The following REX1BD variants were observed in gnomAD, a reference collection of about 807,000 sequenced individuals.
REX1BD encodes required for excision 1-B domain-containing protein.
A neutral mutation model predicts 24.4 loss-of-function variants in REX1BD; 22 were observed. The ratio of observed to expected loss-of-function variants is 0.90; its 90% confidence interval spans 0.64 to 1.29. The LOEUF (loss-of-function observed/expected upper bound fraction) is 1.29. Among genes scored for constraint, REX1BD ranks in the 50% most tolerant of loss-of-function variants. The probability of loss-of-function intolerance (pLI) is 0.00; values close to 1 mark genes in which losing one functional copy is unlikely to be tolerated. For synonymous variants in REX1BD, 146 were observed against 125.9 expected (o/e 1.16, Z -1.07); for missense variants, 293 against 285.3 (o/e 1.03, Z -0.19).
chr19:18,588,892 TGGCCCTG>T lies in REX1BD; in HGVS notation c.94_99+1del. The T allele has an allele frequency of 2.0e-6, 3 of 1,531,808 alleles. No homozygotes were observed. Among genetic ancestry groups the T allele is most frequent in the Non-Finnish European group, 2.6e-6 (3 of 1,145,516 alleles). 94.9% of individuals were successfully genotyped at this position (1,531,808 alleles called of 1,614,324 possible). A position where few individuals can be genotyped will look rare whatever the true frequency, so the allele number is the denominator to read the frequency against. On this transcript the variant is annotated frameshift_variant and splice_region_variant, in exon 1 of 5. Coordinates refer to ENST00000358607, the MANE Select transcript of REX1BD (RefSeq NM_001100418.2). LOFTEE classifies it high-confidence loss of function. The stretch of plus-strand genomic sequence containing the variant: ...AGCTCGGGGACGCGAGGAGCCGGCG[TGGCCCTG>T]GGTGAGCCCAGGCCCAAGCGGGAAC...
Position 18,589,081 on chromosome 19 carries a change from A to C in REX1BD, c.182+4A>C. ...AGGGCTTCCGCCGACTGGAGGAGTG[A>C]GTGGGGGCGCGGAGGGGCTCAGGGT... On this transcript the variant is annotated splice_donor_region_variant and intron_variant, in intron 2 of 4. Transcript: ENST00000358607. The C allele has an allele frequency of 6.7e-7, 1 of 1,501,984 alleles. No homozygotes were observed. The highest frequency in any genetic ancestry group is 8.8e-7 in the Non-Finnish European group (1 of 1,131,900). The allele number at this position is 1,501,984 out of a possible 1,614,324, so 93.0% of individuals were successfully genotyped here. A position where few individuals can be genotyped will look rare whatever the true frequency, so the allele number is the denominator to read the frequency against.
At chr19:18,590,002 G>A (rs550387720) in intron 3 of REX1BD, 70 of 353,912 alleles carry the variant, frequency 2.0e-4, no homozygotes, top group African/African-American at 1.4e-3. Context: ...CCGCGTCTAG[G>A]GTCCCACCCT....
chr19:18,588,836 C>T lies in REX1BD; in HGVS notation c.35C>T (p.Pro12Leu), dbSNP rs1207083420. The T allele has an allele frequency of 6.5e-7, 1 of 1,533,440 alleles. No homozygotes were observed. The highest frequency in any genetic ancestry group is 2.5e-5 in the East Asian group (1 of 40,726). The allele number at this position is 1,533,440 out of a possible 1,614,324, so 95.0% of individuals were successfully genotyped here. ...ITETAAEPTV[P>L]AVPAAEEATE... ...GAGACCGCGGCGGAGCCTACGGTCC[C>T]TGCAGTGCCTGCTGCTGAGGAGGCC... is the stretch of plus-strand genomic sequence containing the variant. Residue 12 changes from proline to leucine, a missense_variant, in exon 1 of 5, where the codon CCT (proline) becomes CTT (leucine). Coordinates refer to ENST00000358607, the MANE Select transcript of REX1BD (RefSeq NM_001100418.2).
At chr19:18,589,983 C>T (rs1251023187) in intron 3 of REX1BD, 1 of 395,914 alleles carries the variant, frequency 2.5e-6, no homozygotes, top group Admixed American at 4.4e-5. Context: ...TCCACCCACT[C>T]TGGTTGTTCC....
rs888412975 is a variant in REX1BD at position 18,588,870 on chromosome 19, T to A, written c.69T>A (p.Ala23=). ...AVPAAEEATE[A]RGREEPAWPW... is the part of the protein sequence containing the mutation. ...CTGCTGCTGAGGAGGCCACCGAAGC[T>A]CGGGGACGCGAGGAGCCGGCGTGGC... Residue 23 remains alanine, a synonymous_variant, in exon 1 of 5, where the codon GCT becomes GCA. Coordinates refer to ENST00000358607, the MANE Select transcript of REX1BD (RefSeq NM_001100418.2). 6.5e-7 allele frequency: 1 copy of A among 1,532,264 alleles called. No individual in the cohort carries two copies. The highest frequency in any genetic ancestry group is 8.7e-7 in the Non-Finnish European group (1 of 1,145,712). The allele number at this position is 1,532,264 out of a possible 1,614,324, so 94.9% of individuals were successfully genotyped here.
Position 18,592,129 on chromosome 19 carries a change from G to C in REX1BD, c.555G>C (p.Ala185=), listed in dbSNP as rs188974816. The change falls in exon 5 of 5, where the codon GCG becomes GCC. Residue 185 remains alanine (A), a synonymous_variant. Coordinates refer to ENST00000358607, the MANE Select transcript of REX1BD (RefSeq NM_001100418.2). The part of the protein sequence containing the change: ...LKMKVIKTME[A]ISEVLQDLRF... ...GTAGGGTAATTAAAACCATGGAGGCGATCAGCGAGGTTCTCCAGGACCTTA... is the reference window on the plus strand; with the variant it reads ...GTAGGGTAATTAAAACCATGGAGGCCATCAGCGAGGTTCTCCAGGACCTTA... The C allele has an allele frequency of 6.2e-7, 1 of 1,613,946 alleles. No homozygotes were observed. The highest frequency in any genetic ancestry group is 1.7e-5 in the Admixed American group (1 of 60,008).
At position 18,589,848 on chromosome 19, in the gene REX1BD, T is replaced by C; in HGVS notation, c.453+165T>C. The C allele has an allele frequency of 2.8e-6, 3 of 1,082,498 alleles. No homozygotes were observed. In the South Asian group the frequency reaches 6.0e-5, roughly 22 times the overall value. 67.1% of individuals were successfully genotyped at this position (1,082,498 alleles called of 1,614,324 possible). ...GGCTTCACTTGGGGATTCTCGGACC[T>C]TGCCCTCTGCTGTTCATCCCCAATT... On this transcript the variant is annotated intron_variant, in intron 3 of 4. Transcript: ENST00000358607.
At chr19:18,588,974 G>C (rs1395225133) in intron 1 of REX1BD, 21 bp from the exon 2 acceptor site, 1 of 1,525,580 alleles carries the variant, frequency 6.6e-7, no homozygotes, top group Non-Finnish European at 8.7e-7. Flanking sequence ...TCATGCCCCA[G>C]CCGTGCCCCC....
Position 18,589,043 on chromosome 19 carries a change from G to T in REX1BD, c.148G>T (p.Ala50Ser). ...TLVQRIHQLQ[A>S]ERAQGFRRLE... ...GGTGCAGCGCATCCACCAGCTGCAG[G>T]CTGAGCGCGCGCAGGGCTTCCGCCG... Residue 50 changes from alanine (A) to serine (S), a missense_variant, in exon 2 of 5, where the codon GCT becomes TCT. Physicochemically the swap from Ala to Ser is moderately conservative, Grantham distance 99. Transcript: ENST00000358607. 1.3e-6 allele frequency: 2 copies of T among 1,524,998 alleles called. No homozygotes were observed. Among genetic ancestry groups the T allele is most frequent in the Non-Finnish European group, 1.8e-6 (2 of 1,142,526 alleles). 94.5% of individuals were successfully genotyped at this position (1,524,998 alleles called of 1,614,324 possible).
In REX1BD at chr19:18,588,844, C is replaced by G; in HGVS notation, c.43C>G (p.Pro15Ala). 2.0e-6 allele frequency: 3 copies of G among 1,533,492 alleles called. No homozygotes were observed. The highest frequency in any genetic ancestry group is 2.6e-6 in the Non-Finnish European group (3 of 1,146,044). The allele number at this position is 1,533,492 out of a possible 1,614,324, so 95.0% of individuals were successfully genotyped here. Residue 15 changes from proline to alanine, a missense_variant, in exon 1 of 5, where the codon CCT (proline) becomes GCT (alanine). Pro to Ala is a conservative substitution (Grantham distance 27). Transcript: ENST00000358607. ...GGCGGAGCCTACGGTCCCTGCAGTG[C>G]CTGCTGCTGAGGAGGCCACCGAAGC... ...TAAEPTVPAV[P>A]AAEEATEARG...
At chr19:18,589,168 T>C in intron 2 of REX1BD, 91 bp downstream of exon 2, 1 of 1,475,060 alleles carries the variant, frequency 6.8e-7, no homozygotes, top group Non-Finnish European at 9.0e-7. Context: ...GAGGAGGAGC[T>C]GGGTCCTTGT....
rs574792249 is a variant in REX1BD, at chr19:18,589,682, C to T, written c.452C>T (p.Thr151Met). The change falls in exon 3 of 5, where the codon ACG (threonine) becomes ATG (methionine). Residue 151 changes from threonine to methionine, a missense_variant and splice_region_variant. Physicochemically the swap from Thr to Met is moderately conservative, Grantham distance 81. Transcript: ENST00000358607. ...GAGCTGGAGCAGACGCGGCTGGGCA[C>T]GGTGAGGCCACCACCCCTTCCCCGC... ...LQELEQTRLG[T>M]VALLQLMETP... 366 of 1,471,548 alleles carry T rather than the reference C, an allele frequency of 2.5e-4. 4 individuals are homozygous for T. In the Admixed American group the frequency reaches 8.1e-3, roughly 33 times the overall value. 91.2% of individuals were successfully genotyped at this position (1,471,548 alleles called of 1,614,324 possible).
intron 4 of REX1BD, 61 bp downstream of exon 4, chr19:18,590,994 A>G: frequency 7.1e-7 from 1 of 1,415,338 alleles, no homozygotes. Context: ...TGGCACGGTC[A>G]GGACGCTGCC....
chr19:18,588,830 C>G lies in REX1BD; in HGVS notation c.29C>G (p.Thr10Arg), dbSNP rs753691744. MITETAAEP[T>R]VPAVPAAEEA... is the part of the protein sequence containing the mutation. ...ATCACCGAGACCGCGGCGGAGCCTA[C>G]GGTCCCTGCAGTGCCTGCTGCTGAG... The change falls in exon 1 of 5, where the codon ACG (threonine) becomes AGG (arginine). Residue 10 changes from threonine (T) to arginine (R), a missense_variant. Thr to Arg is a moderately conservative substitution (Grantham distance 71, BLOSUM62 -1). Coordinates refer to ENST00000358607, the MANE Select transcript of REX1BD (RefSeq NM_001100418.2). 5.9e-6 allele frequency: 9 copies of G among 1,532,840 alleles called. 1 individual carries two copies. In the South Asian group the frequency reaches 1.1e-4, roughly 18 times the overall value. The allele number at this position is 1,532,840 out of a possible 1,614,324, so 95.0% of individuals were successfully genotyped here.
chr19:18,589,110 G>C, intron 2 of REX1BD, 33 bp downstream of exon 2: 1 of 1,470,112 alleles, frequency 6.8e-7, no homozygotes, highest in Non-Finnish European at 8.9e-7. Context: ...TCAGGGTTCG[G>C]TCCCCCGCCC....
chr19:18,589,469 C>T lies in REX1BD; in HGVS notation c.239C>T (p.Thr80Ile). The change falls in exon 3 of 5, where the codon ACA (threonine) becomes ATA (isoleucine). Residue 80 changes from threonine to isoleucine, a missense_variant. By Grantham distance (89) the Thr-to-Ile change is moderately conservative. Transcript: ENST00000358607. ...RAWGRGLRVP[T>I]CRRGHRQYLR... ...TGGGGGCGCGGCCTCAGGGTCCCCA[C>T]ATGCCGCAGAGGCCACCGCCAGTAC... is the stretch of plus-strand genomic sequence containing the variant. 1.3e-6 allele frequency: 2 copies of T among 1,557,970 alleles called. No individual in the cohort carries two copies. Among genetic ancestry groups the T allele is most frequent in the South Asian group, 1.2e-5 (1 of 84,874 alleles).
intron 3 of REX1BD, chr19:18,590,050 C>T (rs1976005692): frequency 3.9e-6 from 1 of 259,236 alleles, no homozygotes; most frequent in South Asian, 9.2e-5. Flanking sequence ...GGTCCCAGGC[C>T]ACGCCTCCTC....
chr19:18,589,982 T>G (rs530554737), intron 3 of REX1BD: 1 of 396,012 alleles, frequency 2.5e-6, no homozygotes, highest in East Asian at 4.4e-5. Context: ...CTCCACCCAC[T>G]CTGGTTGTTC....
rs1368172102 is a variant in REX1BD at position 18,588,876 on chromosome 19, A to G, written c.75A>G (p.Gly25=). 5.9e-6 allele frequency: 9 copies of G among 1,532,394 alleles called. No individual in the cohort carries two copies. The highest frequency in any genetic ancestry group is 7.9e-6 in the Non-Finnish European group (9 of 1,145,734). The allele number at this position is 1,532,394 out of a possible 1,614,324, so 94.9% of individuals were successfully genotyped here. The change falls in exon 1 of 5, where the codon GGA becomes GGG. Residue 25 remains glycine (G), a synonymous_variant. Transcript: ENST00000358607. ...CTGAGGAGGCCACCGAAGCTCGGGG[A>G]CGCGAGGAGCCGGCGTGGCCCTGGG... ...PAAEEATEAR[G]REEPAWPWKD...
Sources: gnomAD v4.1 joint callset for allele counts on GRCh38, gnomAD v4.1.1 for gene constraint, MANE v1.5 for transcripts, NCBI Gene and HGNC (gene_info 2026-07-23, HGNC 2026-07-21) for gene names.